COL4A2: variants seen among roughly 807,000 people sequenced by gnomAD.
The protein encoded by COL4A2 is collagen alpha-2(IV) chain.
In COL4A2, 99 loss-of-function variants were observed where a neutral mutation model predicts 200.2. That is an observed-to-expected ratio of 0.49 (90% CI 0.42 to 0.58). COL4A2 has a LOEUF of 0.58. Among genes scored for constraint, COL4A2 ranks in the 20% least tolerant of loss-of-function variants. The probability of loss-of-function intolerance (pLI) is 0.00; values close to 1 mark genes in which losing one functional copy is unlikely to be tolerated. For missense variants in COL4A2, 1,950 were observed against 2,314.1 expected (o/e 0.84, Z 3.23); for synonymous variants, 897 against 900.6 (o/e 1.00, Z 0.07).
intron 18 of COL4A2, among the ~76,000 whole-genome samples, chr13:110,448,032 G>A (rs1881395816): frequency 1.3e-5 from 2 of 152,200 alleles, no homozygotes; most frequent in African/African-American, 2.4e-5. Flanking sequence ...GCGTGGAGCC[G>A]TGAATGGGGA....
chr13:110,485,935 T>G (rs1425988166), intron 34 of COL4A2, 99 bp downstream of exon 34: 3 of 1,533,458 alleles, frequency 2.0e-6, no homozygotes, highest in Non-Finnish European at 2.6e-6. Context: ...GGTGAGAGTG[T>G]CAGTGGCAGG....
chr13:110,382,583 T>C (rs1159621961), intron 4 of COL4A2, among the ~76,000 whole-genome samples: 6 of 152,238 alleles, frequency 3.9e-5, no homozygotes, highest in Admixed American at 6.5e-5. Context: ...ATAAATACAA[T>C]GTCACACAAA....
chr13:110,398,335 T>A (rs1180263782), intron 4 of COL4A2, among the ~76,000 whole-genome samples: 1 of 152,146 alleles, frequency 6.6e-6, no homozygotes, highest in Non-Finnish European at 1.5e-5. Context: ...AGATCAGAGA[T>A]ATAAGTGTAT....
intron 40 of COL4A2, 79 bp from the exon 41 acceptor site, chr13:110,501,589 G>A: frequency 8.2e-7 from 1 of 1,217,652 alleles, no homozygotes; most frequent in Non-Finnish European, 1.2e-6. Context: ...CACCACAGGT[G>A]ATGGTGTGGA....
At chr13:110,407,508 G>A (rs746984788) in intron 4 of COL4A2, among the ~76,000 whole-genome samples, 3 of 152,232 alleles carry the variant, frequency 2.0e-5, no homozygotes, top group Admixed American at 2.0e-4. Flanking sequence ...CCACCGACCC[G>A]AGTTTCACTC....
chr13:110,440,598 AAATAAT>A (rs1289189788), intron 16 of COL4A2, among the ~76,000 whole-genome samples: 1 of 152,106 alleles, frequency 6.6e-6, no homozygotes, highest in Non-Finnish European at 1.5e-5. Context: ...CTCCATCATA[AAATAAT>A]AATAATAATG....
intron 3 of COL4A2, among the ~76,000 whole-genome samples, chr13:110,337,524 AGAGGGCG>A (rs1876253361): frequency 6.6e-6 from 1 of 152,212 alleles, no homozygotes; most frequent in Non-Finnish European, 1.5e-5. Flanking sequence ...GACCAGCGTC[AGAGGGCG>A]GATGTACTGG....
intron 4 of COL4A2, among the ~76,000 whole-genome samples, chr13:110,384,134 C>G (rs1322359096): frequency 6.6e-6 from 1 of 152,190 alleles, no homozygotes; most frequent in Non-Finnish European, 1.5e-5. Flanking sequence ...GTGGCTCACT[C>G]TGTGTGAGAA....
chr13:110,430,704 A>G, intron 10 of COL4A2, 97 bp downstream of exon 10: 1 of 1,490,746 alleles, frequency 6.7e-7, no homozygotes, highest in South Asian at 1.1e-5. Flanking sequence ...TGAGAGCTTT[A>G]AGAACAACTA....
rs145241984 is a variant in COL4A2, at chr13:110,345,915, G to T, written c.100-11557G>T. The stretch of plus-strand genomic sequence containing the variant: ...GACCACCTTCTGCAAGGTAGCTGGG[G>T]TGCGTGTTAGTTCTCAGAATAGTGC... On this transcript the variant is annotated intron_variant, in intron 3 of 47. Coordinates refer to ENST00000360467, the MANE Select transcript of COL4A2 (RefSeq NM_001846.4). Among the ~76,000 whole-genome samples the T allele has an allele frequency of 1.8e-3, 275 of 152,300 alleles. 1 individual carries two copies. Among genetic ancestry groups the T allele is most frequent in the Middle Eastern group, 6.8e-3 (2 of 294 alleles).
At chr13:110,339,114 A>G (rs1355691718) in intron 3 of COL4A2, among the ~76,000 whole-genome samples, 3 of 152,186 alleles carry the variant, frequency 2.0e-5, no homozygotes, top group Admixed American at 1.3e-4. Flanking sequence ...TCACGTTATC[A>G]TGTGGTAAGA....
chr13:110,413,324 T>C (rs1269452913), intron 4 of COL4A2, among the ~76,000 whole-genome samples: 1 of 151,826 alleles, frequency 6.6e-6, no homozygotes, highest in Non-Finnish European at 1.5e-5. Flanking sequence ...GGGGACAGAG[T>C]GTGAATGAGG....
chr13:110,404,894 G>A (rs146068824), intron 4 of COL4A2, among the ~76,000 whole-genome samples: 1 of 152,300 alleles, frequency 6.6e-6, no homozygotes, highest in East Asian at 1.9e-4. Flanking sequence ...CACTTTGGGA[G>A]GCTGAAGCAG....
intron 20 of COL4A2, among the ~76,000 whole-genome samples, chr13:110,456,204 G>C (rs1195732388): frequency 6.6e-6 from 1 of 152,242 alleles, no homozygotes; most frequent in Non-Finnish European, 1.5e-5. Context: ...GTTTACAAGG[G>C]GAAGGTGGTG....
At position 110,436,268 on chromosome 13, in the gene COL4A2, G is replaced by A; in HGVS notation, c.727-1G>A. ...AACTGCTTTTGCTTAACAATATGCA[G>A]GGTGACGTAGGGCAGCCGGGACCCA... On this transcript the variant is annotated splice_acceptor_variant, in intron 12 of 47. Transcript: ENST00000360467. LOFTEE classifies it high-confidence loss of function. 6.2e-7 allele frequency: 1 copy of A among 1,613,770 alleles called. No individual in the cohort carries two copies.
chr13:110,372,671 T>C (rs1026847724), intron 4 of COL4A2, among the ~76,000 whole-genome samples: 1 of 152,246 alleles, frequency 6.6e-6, no homozygotes, highest in Non-Finnish European at 1.5e-5. Flanking sequence ...ACTTAAACTG[T>C]AGATATCATT....
intron 34 of COL4A2, among the ~76,000 whole-genome samples, chr13:110,488,382 A>G (rs995986956): frequency 1.3e-5 from 2 of 152,186 alleles, no homozygotes; most frequent in African/African-American, 4.8e-5. Context: ...TTGATGCTGT[A>G]GTACTAAAGT....
At position 110,352,938 on chromosome 13, in the gene COL4A2, A is replaced by T. The variant is rs150759051; in HGVS notation, c.100-4534A>T. 5.5e-3 allele frequency among the ~76,000 whole-genome samples: 835 copies of T among 152,272 alleles called. 8 individuals are homozygous for T. The highest frequency in any genetic ancestry group is 0.019 in the African/African-American group (777 of 41,548). On this transcript the variant is annotated intron_variant, in intron 3 of 47. Coordinates refer to ENST00000360467, the MANE Select transcript of COL4A2 (RefSeq NM_001846.4). ...AGCCTGGATCACGTTCCACACCTGC[A>T]GTAGGAGCTGCAGGAACCTCCTGGC...
chr13:110,457,650 C>A, intron 21 of COL4A2: 1 of 675,100 alleles, frequency 1.5e-6, no homozygotes, highest in Non-Finnish European at 2.8e-6. Context: ...GGCTCACCGT[C>A]CCTGCTCTCC....
Sources: allele counts gnomAD v4.1 joint callset (sites outside exome capture counted in the v4.1 genomes callset), GRCh38; gene constraint gnomAD v4.1.1; transcripts MANE v1.5; gene names NCBI Gene and HGNC (gene_info 2026-07-23, HGNC 2026-07-21).